The following AUTS2 variants were observed in gnomAD, a reference collection of about 807,000 sequenced individuals.
AUTS2 encodes activator of transcription and developmental regulator AUTS2, also known as autism susceptibility gene 2 protein.
AUTS2 carries 17 observed loss-of-function variants against 112.4 expected under a neutral mutation model. That is an observed-to-expected ratio of 0.15 (90% CI 0.10 to 0.23). The LOEUF is 0.23. Among genes scored for constraint, AUTS2 ranks in the 10% least tolerant of loss-of-function variants. AUTS2 has a pLI of 1.00. For missense variants in AUTS2, 1,510 were observed against 1,701.6 expected (o/e 0.89, Z 1.98); for synonymous variants, 751 against 702.7 (o/e 1.07, Z -1.09).
At chr7:69,857,782 A>G (rs1792799053) in intron 1 of AUTS2, among the ~76,000 whole-genome samples, 1 of 151,372 alleles carries the variant, frequency 6.6e-6, no homozygotes, top group South Asian at 2.1e-4. Context: ...GTGCCACTGC[A>G]CTCCAGACTG....
chr7:70,434,947 G>T (rs1795828658), intron 4 of AUTS2, among the ~76,000 whole-genome samples: 1 of 152,052 alleles, frequency 6.6e-6, no homozygotes, highest in African/African-American at 2.4e-5. Flanking sequence ...TTTAAGTTGT[G>T]TTCTTTTTTC....
intron 4 of AUTS2, among the ~76,000 whole-genome samples, chr7:70,338,792 T>C: frequency 6.6e-6 from 1 of 151,888 alleles, no homozygotes; most frequent in South Asian, 2.1e-4. Context: ...ACCATGACTC[T>C]CTACTAGGCT....
chr7:70,618,274 C>T (rs11770404), intron 5 of AUTS2, among the ~76,000 whole-genome samples: 18,888 of 152,180 alleles, frequency 0.12, 1,236 homozygotes, highest in Middle Eastern at 0.22. Flanking sequence ...TGGGCAGTCA[C>T]TTTGCCTGTA....
intron 4 of AUTS2, among the ~76,000 whole-genome samples, chr7:70,174,379 G>C (rs1410192398): frequency 6.6e-6 from 1 of 152,218 alleles, no homozygotes; most frequent in Non-Finnish European, 1.5e-5. Flanking sequence ...ACTATCTCTA[G>C]AACAGAAAAC....
intron 1 of AUTS2, chr7:69,663,401 G>A (rs892513441): frequency 1.3e-5 from 2 of 151,984 alleles, no homozygotes; most frequent in East Asian, 3.9e-4. Context: ...TATGTGATGT[G>A]CCCAACCAGA....
chr7:69,726,612 A>G (rs950437000), intron 1 of AUTS2, among the ~76,000 whole-genome samples: 2 of 151,864 alleles, frequency 1.3e-5, no homozygotes, highest in African/African-American at 2.4e-5. Flanking sequence ...TTAACTTTAT[A>G]AGAAACTGCC....
intron 5 of AUTS2, among the ~76,000 whole-genome samples, chr7:70,634,911 G>A (rs950488810): frequency 3.3e-5 from 5 of 152,172 alleles, no homozygotes; most frequent in African/African-American, 1.2e-4. Flanking sequence ...AGTGTTGGGG[G>A]CTGGGGTTAG....
intron 5 of AUTS2, among the ~76,000 whole-genome samples, chr7:70,615,068 A>G (rs1260865702): frequency 2.0e-5 from 3 of 152,188 alleles, no homozygotes; most frequent in East Asian, 3.9e-4. Flanking sequence ...ATGAAGAACA[A>G]TTGGCTGGCT....
chr7:69,940,872 G>A (rs554030552), intron 2 of AUTS2, among the ~76,000 whole-genome samples: 25 of 151,716 alleles, frequency 1.6e-4, no homozygotes, highest in African/African-American at 5.6e-4. Context: ...GGTGAGGGAG[G>A]AACCAGTAAC....
At chr7:70,246,682 A>G (rs1039691454) in intron 4 of AUTS2, among the ~76,000 whole-genome samples, 5 of 151,840 alleles carry the variant, frequency 3.3e-5, no homozygotes, top group Admixed American at 6.6e-5. Flanking sequence ...CTCTTGTCTT[A>G]CTACTCTTCC....
chr7:70,700,813 G>A (rs1214980591), intron 6 of AUTS2, among the ~76,000 whole-genome samples: 1 of 152,148 alleles, frequency 6.6e-6, no homozygotes, highest in Non-Finnish European at 1.5e-5. Context: ...CAGGATGAAT[G>A]GCTGACAAGG....
intron 1 of AUTS2, among the ~76,000 whole-genome samples, chr7:69,868,848 G>A (rs1793354724): frequency 6.6e-6 from 1 of 152,184 alleles, no homozygotes; most frequent in South Asian, 2.1e-4. Context: ...TAAGTGATTT[G>A]GGAATTAGGC....
intron 1 of AUTS2, among the ~76,000 whole-genome samples, chr7:69,714,175 A>G (rs1562830299): frequency 6.6e-6 from 1 of 151,488 alleles, no homozygotes; most frequent in Non-Finnish European, 1.5e-5. Flanking sequence ...ATCCTCCCAC[A>G]TCATCCCCTC....
At chr7:70,226,665 T>G (rs1241160730) in intron 4 of AUTS2, among the ~76,000 whole-genome samples, 2 of 152,216 alleles carry the variant, frequency 1.3e-5, no homozygotes, top group Non-Finnish European at 2.9e-5. Flanking sequence ...GGGTTTTCTC[T>G]TCTTCATTTC....
chr7:70,319,803 C>T (rs1790168150), intron 4 of AUTS2, among the ~76,000 whole-genome samples: 1 of 152,218 alleles, frequency 6.6e-6, no homozygotes, highest in Admixed American at 6.5e-5. Context: ...GTAGTGACTT[C>T]ATCACATTCT....
At chr7:70,516,143 C>T (rs562414484) in intron 5 of AUTS2, among the ~76,000 whole-genome samples, 103 of 152,296 alleles carry the variant, frequency 6.8e-4, no homozygotes, top group Admixed American at 2.0e-3. Context: ...TAGCAGAACA[C>T]TGATTGAACA....
At chr7:70,247,383 T>C (rs913443630) in intron 4 of AUTS2, among the ~76,000 whole-genome samples, 4 of 152,122 alleles carry the variant, frequency 2.6e-5, no homozygotes, top group South Asian at 2.1e-4. Flanking sequence ...TGGGCTCTTA[T>C]TGTTTAACAG....
intron 1 of AUTS2, among the ~76,000 whole-genome samples, chr7:69,737,057 G>C (rs1787059928): frequency 6.6e-6 from 1 of 152,134 alleles, no homozygotes; most frequent in Non-Finnish European, 1.5e-5. Flanking sequence ...GTTATTGAGA[G>C]CAGGAGTGCT....
intron 5 of AUTS2, among the ~76,000 whole-genome samples, chr7:70,478,814 A>G (rs1442657059): frequency 6.6e-6 from 1 of 152,068 alleles, no homozygotes; most frequent in Admixed American, 6.6e-5. Context: ...GTTAAAGTTA[A>G]TACATATAAG....
Sources: allele counts gnomAD v4.1 joint callset (sites outside exome capture counted in the v4.1 genomes callset), GRCh38; gene constraint gnomAD v4.1.1; transcripts MANE v1.5; gene names NCBI Gene and HGNC (gene_info 2026-07-23, HGNC 2026-07-21).